Variants in FMNL2 observed in about 807,000 individuals in gnomAD.
FMNL2 encodes formin like 2.
A neutral mutation model predicts 130.2 loss-of-function variants in FMNL2; 51 were observed. The ratio of observed to expected loss-of-function variants is 0.39; its 90% CI spans 0.31 to 0.49. The LOEUF (loss-of-function observed/expected upper bound fraction) is 0.49. Ranked by LOEUF, FMNL2 falls within the 20% of genes least tolerant of loss-of-function variation. The pLI is 0.85. For synonymous variants in FMNL2, 465 were observed against 467.1 expected (o/e 1.00, Z 0.06); for missense variants, 977 against 1,316.2 (o/e 0.74, Z 3.99).
chr2:152,522,512 A>G (rs1255617682), intron 2 of FMNL2, among the ~76,000 whole-genome samples: 3 of 152,244 alleles, frequency 2.0e-5, no homozygotes, highest in Non-Finnish European at 4.4e-5. Flanking sequence ...CTCATCTTGA[A>G]TTCCCACATG....
At chr2:152,642,033 T>G (rs905409771) in intron 25 of FMNL2, among the ~76,000 whole-genome samples, 1 of 152,014 alleles carries the variant, frequency 6.6e-6, no homozygotes, top group Non-Finnish European at 1.5e-5. Flanking sequence ...CTTTGCCTCC[T>G]GGGTTCACAC....
At chr2:152,640,449 CGTT>C (rs1559033307) in intron 24 of FMNL2, among the ~76,000 whole-genome samples, 1 of 152,136 alleles carries the variant, frequency 6.6e-6, no homozygotes, top group Non-Finnish European at 1.5e-5. Context: ...AGGGCAACCT[CGTT>C]AGTAGGTAAA....
intron 18 of FMNL2, among the ~76,000 whole-genome samples, 198 bp from the exon 19 acceptor site, chr2:152,629,458 T>A (rs1166625512): frequency 6.6e-6 from 1 of 152,178 alleles, no homozygotes; most frequent in Admixed American, 6.5e-5. Context: ...TCAGTAAAGA[T>A]CGTGCATGTA....
intron 4 of FMNL2, among the ~76,000 whole-genome samples, chr2:152,549,398 A>G (rs1333060189): frequency 2.0e-5 from 3 of 152,190 alleles, no homozygotes; most frequent in Non-Finnish European, 2.9e-5. Flanking sequence ...GAAACCCCCA[A>G]TAGTGCATGT....
At chr2:152,336,913 G>C (rs2002558) in intron 1 of FMNL2, among the ~76,000 whole-genome samples, 73,683 of 152,012 alleles carry the variant, frequency 0.48, 19,857 homozygotes, top group Non-Finnish European at 0.62. Context: ...TGAAAACTTA[G>C]AACTTTGGCA....
chr2:152,614,940 T>C lies in FMNL2; in HGVS notation c.1152T>C (p.Asp384=), dbSNP rs777947389. 18 of 1,613,808 alleles carry C rather than the reference T, an allele frequency of 1.1e-5. No homozygotes were observed. The highest frequency in any genetic ancestry group is 2.2e-5 in the South Asian group (2 of 91,058). ...TTGATGTAGGAGCTCTACTGGAAGA[T>C]GCTGAAACTAAGAATGCTGCCTTGG... ...NVFDVGALLE[D]AETKNAALER... Residue 384 remains aspartate, a synonymous_variant, in exon 12 of 26, where the codon GAT becomes GAC. Transcript: ENST00000288670.
At chr2:152,634,818 T>G (rs112740745) in intron 21 of FMNL2, among the ~76,000 whole-genome samples, 5,050 of 152,242 alleles carry the variant, frequency 0.033, 278 homozygotes, top group African/African-American at 0.12. Context: ...TTGGGGTGCA[T>G]CTCATTGATT....
chr2:152,634,547 G>C (rs75627987), intron 21 of FMNL2, among the ~76,000 whole-genome samples: 1,893 of 152,328 alleles, frequency 0.012, 44 homozygotes, highest in African/African-American at 0.042. Flanking sequence ...AAAAATCTGT[G>C]CTTCTAGATT....
At chr2:152,336,124 C>T (rs148253891) in intron 1 of FMNL2, among the ~76,000 whole-genome samples, 6,608 of 105,554 alleles carry the variant, frequency 0.063, 471 homozygotes, top group African/African-American at 0.21. Flanking sequence ...AAACAAAACA[C>T]CCTGAGCCCC....
In FMNL2 at chr2:152,568,223, T is replaced by TTTTTTTTTTTTTTTGTTTTTG. The variant is rs1553478445; in HGVS notation, c.597-6903_597-6902insTTTTGTTTTTGTTTTTTTTTT. Among the ~76,000 whole-genome samples the TTTTTTTTTTTTTTTGTTTTTG allele has an allele frequency of 7.6e-5, 10 of 132,268 alleles. 1 individual carries two copies. In the South Asian group the frequency reaches 9.2e-4, roughly 12 times the overall value. The allele number at this position is 132,268 out of a possible 152,430, so 86.8% of individuals were successfully genotyped here. A position where few individuals can be genotyped will look rare whatever the true frequency, so the allele number is the denominator to read the frequency against. ...AACGGCTTCCATTTTGGTGGGTTTT[T>TTTTTTTTTTTTTTTGTTTTTG]TTTTTTTTTTGAGACGGAGTCTCAC... On this transcript the variant is annotated intron_variant, in intron 6 of 25. Coordinates refer to ENST00000288670, the MANE Select transcript of FMNL2 (RefSeq NM_052905.4).
intron 6 of FMNL2, among the ~76,000 whole-genome samples, chr2:152,574,211 G>A (rs1334342103): frequency 6.6e-6 from 1 of 152,166 alleles, no homozygotes; most frequent in Non-Finnish European, 1.5e-5. Flanking sequence ...GCCGAGGTAG[G>A]TGGATCACGA....
chr2:152,402,145 G>A (rs533610883), intron 1 of FMNL2, among the ~76,000 whole-genome samples: 327 of 152,016 alleles, frequency 2.2e-3, no homozygotes, highest in African/African-American at 7.6e-3. Flanking sequence ...CTCATGATCC[G>A]CCCGCCTTGG....
intron 1 of FMNL2, among the ~76,000 whole-genome samples, chr2:152,459,711 G>A (rs1689141088): frequency 6.6e-6 from 1 of 152,160 alleles, no homozygotes; most frequent in East Asian, 1.9e-4. Flanking sequence ...GGCCAGATGA[G>A]GTATTAAAAA....
At chr2:152,505,595 C>T (rs1197829932) in intron 1 of FMNL2, among the ~76,000 whole-genome samples, 1 of 152,172 alleles carries the variant, frequency 6.6e-6, no homozygotes, top group Non-Finnish European at 1.5e-5. Context: ...CTGTAAGGTA[C>T]AGAGCCTAAT....
At chr2:152,378,986 CAAAAA>C (rs34091948) in intron 1 of FMNL2, among the ~76,000 whole-genome samples, 13 of 41,990 alleles carry the variant, frequency 3.1e-4, no homozygotes, top group East Asian at 1.1e-3. Context: ...AGACCAGCTG[CAAAAA>C]AAAAAAAAAA....
chr2:152,480,736 G>T (rs1376952150), intron 1 of FMNL2, among the ~76,000 whole-genome samples: 1 of 151,544 alleles, frequency 6.6e-6, no homozygotes, highest in Non-Finnish European at 1.5e-5. Flanking sequence ...CAAGGGCTAT[G>T]CAGTAACTTG....
At chr2:152,630,247 G>A (rs891974853) in intron 20 of FMNL2, among the ~76,000 whole-genome samples, 15 of 152,130 alleles carry the variant, frequency 9.9e-5, no homozygotes, top group African/African-American at 9.7e-5. Flanking sequence ...TTCTTCCACC[G>A]TTAGCATACT....
Position 152,335,528 on chromosome 2 carries a change from C to A in FMNL2, c.-76C>A. On this transcript the variant is annotated 5_prime_UTR_variant, in exon 1 of 26. Transcript: ENST00000288670. The stretch of plus-strand genomic sequence containing the variant: ...GGTCGCGCCTGCGGGCGGCAGCCGA[C>A]CGCCGGGAGCTGTTCTGATTTCCGA... 1.6e-6 allele frequency: 2 copies of A among 1,244,354 alleles called. No individual in the cohort carries two copies. The highest frequency in any genetic ancestry group is 2.2e-6 in the Non-Finnish European group (2 of 911,728). 77.1% of individuals were successfully genotyped at this position (1,244,354 alleles called of 1,614,324 possible).
intron 2 of FMNL2, among the ~76,000 whole-genome samples, chr2:152,533,601 A>G (rs942061305): frequency 9.5e-6 from 1 of 104,994 alleles, no homozygotes; most frequent in African/African-American, 3.7e-5. Context: ...GTTCCTTTGC[A>G]TTTTAATATA....
Sources: allele counts gnomAD v4.1 joint callset (sites outside exome capture counted in the v4.1 genomes callset), GRCh38; gene constraint gnomAD v4.1.1; transcripts MANE v1.5; gene names NCBI Gene and HGNC (gene_info 2026-07-23, HGNC 2026-07-21).